The following ZNF730 variants were observed in gnomAD, a reference collection of about 807,000 sequenced individuals.
The protein encoded by ZNF730 is putative zinc finger protein 730.
ZNF730 carries 12 observed loss-of-function variants against 12.6 expected under a neutral mutation model. The observed-to-expected ratio is 0.95, with a 90% CI of 0.61 to 1.54. The LOEUF is 1.54. Among genes scored for constraint, ZNF730 ranks in the 40% most tolerant of loss-of-function variants. ZNF730 has a pLI of 0.00. For synonymous variants in ZNF730, 194 were observed against 195.8 expected, an observed-to-expected ratio of 0.99 and a Z score of 0.08; for missense variants, 643 against 583.5, an observed-to-expected ratio of 1.10 and a Z score of -1.05.
chr19:23,093,139 G>A (rs1490996766), intron 1 of ZNF730, among the ~76,000 whole-genome samples: 1 of 152,082 alleles, frequency 6.6e-6, no homozygotes, highest in Non-Finnish European at 1.5e-5. Flanking sequence ...ACTAGGCCCA[G>A]CTAATTTTGT....
chr19:23,104,558 C>A (rs1386904725), intron 1 of ZNF730, among the ~76,000 whole-genome samples: 5 of 152,152 alleles, frequency 3.3e-5, no homozygotes, highest in African/African-American at 1.2e-4. Flanking sequence ...TTGTTTTTCT[C>A]TGCCTCTTTC....
chr19:23,135,570 GCA>G (rs1398228563), intron 2 of ZNF730, among the ~76,000 whole-genome samples: 11 of 151,976 alleles, frequency 7.2e-5, no homozygotes, highest in African/African-American at 2.4e-4. Flanking sequence ...GAGTGCAGTG[GCA>G]CAATGTCGGC....
intron 1 of ZNF730, chr19:23,127,163 G>A: frequency 1.9e-6 from 1 of 535,840 alleles, no homozygotes; most frequent in Non-Finnish European, 3.6e-6. Context: ...GTTTGTTCAT[G>A]CTCAAAGAAA....
chr19:23,122,135 T>C (rs78722869), intron 1 of ZNF730, among the ~76,000 whole-genome samples: 2 of 111,712 alleles, frequency 1.8e-5, no homozygotes, highest in African/African-American at 6.7e-5. Flanking sequence ...TTTAAAGCTT[T>C]TTTTTTTTTT....
At chr19:23,085,830 TTTTTTC>T (rs1970052206) in intron 1 of ZNF730, among the ~76,000 whole-genome samples, 4 of 128,012 alleles carry the variant, frequency 3.1e-5, no homozygotes, top group African/African-American at 1.3e-4. Flanking sequence ...CACCCAATTT[TTTTTTC>T]TTTTTTTTTT....
At chr19:23,139,369 A>G (rs1970881430) in intron 3 of ZNF730, among the ~76,000 whole-genome samples, 2 of 152,166 alleles carry the variant, frequency 1.3e-5, no homozygotes, top group East Asian at 1.9e-4. Flanking sequence ...ATGTTTATCA[A>G]AAGTTTTTCA....
In ZNF730 at chr19:23,091,162, G is replaced by A. The variant is rs560918892; in HGVS notation, c.-94+15775G>A. Among the ~76,000 whole-genome samples the A allele has an allele frequency of 2.0e-5, 3 of 152,190 alleles. No individual in the cohort carries two copies. In the East Asian group the frequency reaches 5.8e-4, roughly 29 times the overall value. ...TTGGCTGTGGCTTCAGAGGGTGGAA[G>A]CCTCAAGCCTTGGTAGCTTCCATGT... On this transcript the variant is annotated intron_variant, in intron 1 of 2. Coordinates refer to the ZNF730 transcript ENST00000593635.
intron 3 of ZNF730, among the ~76,000 whole-genome samples, chr19:23,140,098 T>C (rs1970892851): frequency 6.6e-6 from 1 of 152,072 alleles, no homozygotes; most frequent in East Asian, 1.9e-4. Flanking sequence ...TGTGTATCTA[T>C]AAATATGACC....
intron 1 of ZNF730, among the ~76,000 whole-genome samples, chr19:23,098,187 T>A (rs1970284768): frequency 6.6e-6 from 1 of 151,082 alleles, no homozygotes; most frequent in Non-Finnish European, 1.5e-5. Context: ...TCACTGGGAC[T>A]GACACCTAGG....
chr19:23,140,602 G>A (rs370907848), intron 3 of ZNF730, among the ~76,000 whole-genome samples: 8 of 114,214 alleles, frequency 7.0e-5, no homozygotes, highest in African/African-American at 2.0e-4. Flanking sequence ...AGCAAGACTC[G>A]GTCTTAAAAA....
intron 1 of ZNF730, among the ~76,000 whole-genome samples, chr19:23,093,719 A>G (rs1399601100): frequency 2.0e-5 from 3 of 152,174 alleles, no homozygotes; most frequent in East Asian, 3.9e-4. Flanking sequence ...CCCCAGGGGT[A>G]GGGTGGTCAC....
At chr19:23,115,919 G>A (rs1970513058), upstream of ZNF730, among the ~76,000 whole-genome samples, 1 of 152,226 alleles carries the variant, frequency 6.6e-6, no homozygotes. Flanking sequence ...TTAATGACAG[G>A]TTGATTACTA....
At chr19:23,115,783 G>C (rs190445212), upstream of ZNF730, among the ~76,000 whole-genome samples, 2 of 152,254 alleles carry the variant, frequency 1.3e-5, no homozygotes, top group Admixed American at 1.3e-4. Context: ...GGGACCAGAA[G>C]AATGGCCCCA....
At chr19:23,114,337 C>T (rs1437833930), upstream of ZNF730, among the ~76,000 whole-genome samples, 5 of 110,182 alleles carry the variant, frequency 4.5e-5, no homozygotes, top group Admixed American at 1.1e-4. Context: ...GACGGAGTCT[C>T]GCTTTGTCAC....
intron 3 of ZNF730, among the ~76,000 whole-genome samples, chr19:23,141,001 A>G (rs148815131): frequency 1.8e-4 from 28 of 152,210 alleles, no homozygotes; most frequent in African/African-American, 6.0e-4. Context: ...GGTGTTTCAC[A>G]TCTGTAATCC....
chr19:23,104,659 A>C (rs1215277889), intron 1 of ZNF730, among the ~76,000 whole-genome samples: 2 of 152,180 alleles, frequency 1.3e-5, no homozygotes, highest in African/African-American at 4.8e-5. Flanking sequence ...TTTCTTTAGC[A>C]ACAGGATGCA....
intron 3 of ZNF730, among the ~76,000 whole-genome samples, chr19:23,136,664 C>T (rs990410987): frequency 1.1e-4 from 16 of 150,168 alleles, no homozygotes; most frequent in African/African-American, 3.7e-4. Context: ...AATTTTTCTG[C>T]ATATTCCATG....
intron 1 of ZNF730, among the ~76,000 whole-genome samples, chr19:23,121,943 C>T (rs546754789): frequency 1.3e-5 from 2 of 152,208 alleles, no homozygotes; most frequent in African/African-American, 4.8e-5. Context: ...ATAGTTTTCT[C>T]TGCTTTTTAG....
chr19:23,136,249 A>T, intron 3 of ZNF730: 1 of 324,072 alleles, frequency 3.1e-6, no homozygotes, highest in Non-Finnish European at 5.3e-6. Context: ...ATCTCTAAAA[A>T]TTCTTTCCCT....
Sources: gnomAD v4.1 joint callset for allele counts (sites outside exome capture counted in the v4.1 genomes callset) on GRCh38, gnomAD v4.1.1 for gene constraint, MANE v1.5 for transcripts, NCBI Gene and HGNC (gene_info 2026-07-23, HGNC 2026-07-21) for gene names.